The following CDK14 variants were observed in gnomAD, a reference collection of about 807,000 sequenced individuals.
The protein encoded by CDK14 is cyclin-dependent kinase 14.
Under a neutral mutation model 60.7 loss-of-function variants are expected in CDK14, and 34 were observed. That is an observed-to-expected ratio of 0.56 (90% confidence interval 0.43 to 0.75). The LOEUF is 0.75. Ranked by LOEUF, CDK14 falls within the 30% of genes least tolerant of loss-of-function variation. CDK14 has a pLI of 0.00. For missense variants in CDK14, 482 were observed against 564.1 expected (o/e 0.85, Z 1.47); for synonymous variants, 197 against 203.7 (o/e 0.97, Z 0.28).
intron 11 of CDK14, among the ~76,000 whole-genome samples, chr7:91,064,439 G>T (rs1464308096): frequency 6.6e-6 from 1 of 152,180 alleles, no homozygotes; most frequent in African/African-American, 2.4e-5. Context: ...ATTTCACCAT[G>T]TAAAAAATGG....
intron 10 of CDK14, among the ~76,000 whole-genome samples, chr7:91,030,176 T>C (rs1796722314): frequency 6.6e-6 from 1 of 152,230 alleles, no homozygotes; most frequent in Non-Finnish European, 1.5e-5. Context: ...TTGCAAAAAC[T>C]ATAACAAAAT....
At chr7:91,000,653 A>G (rs1249626903) in intron 10 of CDK14, among the ~76,000 whole-genome samples, 2 of 152,214 alleles carry the variant, frequency 1.3e-5, no homozygotes, top group Admixed American at 1.3e-4. Flanking sequence ...ACCTGTGACA[A>G]TATGTAGGAC....
At chr7:91,175,015 C>T (rs1254557127) in intron 14 of CDK14, among the ~76,000 whole-genome samples, 1 of 143,972 alleles carries the variant, frequency 6.9e-6, no homozygotes, top group Admixed American at 6.9e-5. Flanking sequence ...CCAGATTCAC[C>T]AAAGTTGAAA....
rs148876293 is a variant in CDK14 at position 91,151,641 on chromosome 7, C to T, written c.*28+33433C>T. 4.9e-4 allele frequency among the ~76,000 whole-genome samples: 74 copies of T among 152,290 alleles called. No individual in the cohort carries two copies. In the East Asian group the frequency reaches 5.0e-3, roughly 10 times the overall value. ...TAGAAGCTGGTTTGGAATGACATCC[C>T]TCTTGGCGGTCCACATTTGGTTCTA... On this transcript the variant is annotated intron_variant, in intron 14 of 14. Coordinates refer to ENST00000380050, the MANE Select transcript of CDK14 (RefSeq NM_001287135.2).
chr7:91,069,875 C>A (rs1798086738), intron 11 of CDK14, among the ~76,000 whole-genome samples: 1 of 152,146 alleles, frequency 6.6e-6, no homozygotes, highest in Non-Finnish European at 1.5e-5. Context: ...TGGCTTAGTG[C>A]AGCCTCTACC....
At chr7:90,841,895 A>G (rs1006829534) in intron 5 of CDK14, among the ~76,000 whole-genome samples, 1 of 152,104 alleles carries the variant, frequency 6.6e-6, no homozygotes, top group African/African-American at 2.4e-5. Context: ...TACAGGTACC[A>G]TCCTTACACT....
At chr7:91,055,940 C>A (rs895691062) in intron 11 of CDK14, among the ~76,000 whole-genome samples, 1 of 152,150 alleles carries the variant, frequency 6.6e-6, no homozygotes, top group African/African-American at 2.4e-5. Flanking sequence ...AAGTTTGTAA[C>A]CTAATGTTTT....
intron 14 of CDK14, among the ~76,000 whole-genome samples, chr7:91,188,050 A>C (rs554278040): frequency 6.6e-6 from 1 of 152,282 alleles, no homozygotes; most frequent in African/African-American, 2.4e-5. Flanking sequence ...TTGATTTTAC[A>C]GGCTGTTCTT....
At chr7:90,631,473 A>G (rs1220201978) in intron 2 of CDK14, among the ~76,000 whole-genome samples, 1 of 152,146 alleles carries the variant, frequency 6.6e-6, no homozygotes, top group African/African-American at 2.4e-5. Flanking sequence ...AAAGCAGAGT[A>G]TGTTTTACCT....
At position 90,596,395 on chromosome 7, in the gene CDK14, C is replaced by T. The variant is rs2116290927; in HGVS notation, c.-233C>T. ...CACGGCGGCGGCGAGCGCGGCCGCCCCCGGCACCACGTAAACCGCCCCCGC... is the reference window on the plus strand; with the variant it reads ...CACGGCGGCGGCGAGCGCGGCCGCCTCCGGCACCACGTAAACCGCCCCCGC... On this transcript the variant is annotated 5_prime_UTR_variant, in exon 1 of 15. Coordinates refer to ENST00000380050, the MANE Select transcript of CDK14 (RefSeq NM_001287135.2). 8.3e-6 allele frequency: 2 copies of T among 240,138 alleles called. No homozygotes were observed. Among genetic ancestry groups the T allele is most frequent in the South Asian group, 1.8e-4 (1 of 5,692 alleles). 14.9% of individuals were successfully genotyped at this position (240,138 alleles called of 1,614,324 possible).
chr7:91,132,204 C>G (rs1014743065), intron 14 of CDK14, among the ~76,000 whole-genome samples: 1 of 151,862 alleles, frequency 6.6e-6, no homozygotes, highest in Non-Finnish European at 1.5e-5. Flanking sequence ...TAATTTTGCT[C>G]GAGGAGATAG....
intron 2 of CDK14, among the ~76,000 whole-genome samples, chr7:90,724,907 T>G (rs111298229): frequency 0.012 from 1,843 of 152,252 alleles, 44 homozygotes; most frequent in African/African-American, 0.042. Flanking sequence ...TTAAAAATAT[T>G]GCATGCTCCA....
intron 6 of CDK14, among the ~76,000 whole-genome samples, chr7:90,868,670 G>A (rs1791270751): frequency 6.6e-6 from 1 of 152,068 alleles, no homozygotes; most frequent in Non-Finnish European, 1.5e-5. Context: ...CCCATAAAAT[G>A]TTTTTATAGT....
chr7:91,070,933 C>T (rs1798123744), intron 11 of CDK14, among the ~76,000 whole-genome samples: 1 of 151,676 alleles, frequency 6.6e-6, no homozygotes, highest in African/African-American at 2.4e-5. Flanking sequence ...TTAAAGAGTC[C>T]AGGCTCTTAT....
chr7:90,874,141 T>C (rs1323882215), intron 6 of CDK14, among the ~76,000 whole-genome samples: 2 of 152,190 alleles, frequency 1.3e-5, no homozygotes, highest in African/African-American at 4.8e-5. Context: ...TTCCCTGAGC[T>C]GGAGCTCTTT....
chr7:90,829,106 C>G (rs549162785), intron 5 of CDK14, among the ~76,000 whole-genome samples: 1 of 152,232 alleles, frequency 6.6e-6, no homozygotes, highest in South Asian at 2.1e-4. Flanking sequence ...TGTGAGAATT[C>G]ATTCACTATC....
At chr7:90,659,344 G>T (rs1004230615) in intron 2 of CDK14, among the ~76,000 whole-genome samples, 7 of 152,096 alleles carry the variant, frequency 4.6e-5, no homozygotes, top group African/African-American at 1.2e-4. Context: ...TAGCATTTTC[G>T]CAGGCCTCAT....
intron 10 of CDK14, among the ~76,000 whole-genome samples, chr7:91,032,521 T>C (rs550908531): frequency 1.3e-5 from 2 of 152,222 alleles, no homozygotes; most frequent in East Asian, 1.9e-4. Flanking sequence ...AGTTCAGTCA[T>C]TGATGTTCTT....
At chr7:90,757,596 C>CT (rs780503136) in intron 4 of CDK14, among the ~76,000 whole-genome samples, 2,572 of 143,086 alleles carry the variant, frequency 0.018, 23 homozygotes, top group Middle Eastern at 0.032. Context: ...TTGTGTAATT[C>CT]TTTTTTTTTT....
Sources: gnomAD v4.1 joint callset for allele counts (sites outside exome capture counted in the v4.1 genomes callset) on GRCh38, gnomAD v4.1.1 for gene constraint, MANE v1.5 for transcripts, NCBI Gene and HGNC (gene_info 2026-07-23, HGNC 2026-07-21) for gene names.